FSTL5: variants seen among roughly 807,000 people sequenced by gnomAD.
FSTL5 encodes the protein follistatin like 5.
In FSTL5, 62 loss-of-function variants were observed where a neutral mutation model predicts 89.1. That is an observed-to-expected ratio of 0.70 (90% CI 0.57 to 0.86). The LOEUF is 0.86. Among genes scored for constraint, FSTL5 ranks in the 40% least tolerant of loss-of-function variants. The probability of loss-of-function intolerance (pLI) is 0.00; values close to 1 mark genes in which losing one functional copy is unlikely to be tolerated. For synonymous variants in FSTL5, 383 were observed against 346.2 expected, an observed-to-expected ratio of 1.11 and a Z score of -1.18; for missense variants, 1,057 against 1,001.6, an observed-to-expected ratio of 1.06 and a Z score of -0.75.
At chr4:162,060,509 T>C (rs1738687621) in intron 2 of FSTL5, among the ~76,000 whole-genome samples, 1 of 152,058 alleles carries the variant, frequency 6.6e-6, no homozygotes, top group Non-Finnish European at 1.5e-5. Flanking sequence ...AAAACTATTA[T>C]TTACTTCAGT....
At chr4:162,025,979 A>T (rs1177916413) in intron 3 of FSTL5, among the ~76,000 whole-genome samples, 2 of 151,968 alleles carry the variant, frequency 1.3e-5, no homozygotes, top group Non-Finnish European at 2.9e-5. Flanking sequence ...AGGATATTCT[A>T]AAAAATCCAA....
intron 1 of FSTL5, among the ~76,000 whole-genome samples, chr4:162,160,802 C>T (rs1733666279): frequency 6.7e-6 from 1 of 149,698 alleles, no homozygotes; most frequent in East Asian, 1.9e-4. Context: ...TTTCTATCGC[C>T]CATGTTAGTA....
intron 2 of FSTL5, 103 bp downstream of exon 2, chr4:162,111,168 A>G (rs1731422844): frequency 2.3e-6 from 2 of 873,732 alleles, no homozygotes; most frequent in African/African-American, 1.7e-5. Flanking sequence ...TACTGAAAGC[A>G]TATTCTGAAA....
chr4:161,628,736 G>T (rs1735397762), intron 7 of FSTL5, among the ~76,000 whole-genome samples: 1 of 152,024 alleles, frequency 6.6e-6, no homozygotes, highest in Non-Finnish European at 1.5e-5. Flanking sequence ...CTTCCTATCA[G>T]GTTGGCCCTG....
intron 3 of FSTL5, among the ~76,000 whole-genome samples, chr4:162,011,544 A>G (rs1736767462): frequency 2.0e-5 from 3 of 151,358 alleles, no homozygotes; most frequent in Non-Finnish European, 2.9e-5. Flanking sequence ...CCCAGGCTGG[A>G]GTGCAGTGGT....
At chr4:161,850,325 A>G (rs72981114) in intron 4 of FSTL5, among the ~76,000 whole-genome samples, 14,084 of 152,256 alleles carry the variant, frequency 0.093, 827 homozygotes, top group African/African-American at 0.17. Context: ...GAAGGAAACT[A>G]AAATTCATTG....
chr4:161,955,231 CCTT>C (rs1219147669), intron 3 of FSTL5, among the ~76,000 whole-genome samples: 5 of 151,534 alleles, frequency 3.3e-5, no homozygotes, highest in Non-Finnish European at 7.4e-5. Flanking sequence ...TAATGGACAT[CCTT>C]CTTTTCTCTT....
intron 3 of FSTL5, among the ~76,000 whole-genome samples, chr4:161,956,704 C>T (rs1040042717): frequency 4.6e-5 from 7 of 151,620 alleles, no homozygotes; most frequent in East Asian, 1.9e-4. Flanking sequence ...GGAAGAGACA[C>T]GGGTTAATGT....
intron 2 of FSTL5, among the ~76,000 whole-genome samples, chr4:162,041,012 T>C (rs1286159074): frequency 2.0e-5 from 3 of 151,800 alleles, no homozygotes; most frequent in African/African-American, 4.8e-5. Context: ...CAGAATTCAA[T>C]AGTCAGGTGG....
In FSTL5 at chr4:162,038,357, T is replaced by G. The variant is rs146903639; in HGVS notation, c.127-4699A>C. The stretch of plus-strand genomic sequence containing the variant: ...GATGGCTAAAAGCTTTAGCAGACAG[T>G]ATGATAAAGATTAGCAAAGACAATC... On this transcript the variant is annotated intron_variant, in intron 2 of 15. Coordinates refer to ENST00000306100, the MANE Select transcript of FSTL5 (RefSeq NM_020116.5). Among the ~76,000 whole-genome samples the G allele has an allele frequency of 2.0e-3, 306 of 151,848 alleles. 1 individual carries two copies. Among genetic ancestry groups the G allele is most frequent in the African/African-American group, 7.1e-3 (293 of 41,404 alleles).
chr4:161,567,632 G>A (rs1732865252), intron 8 of FSTL5, among the ~76,000 whole-genome samples: 1 of 151,794 alleles, frequency 6.6e-6, no homozygotes, highest in Admixed American at 6.6e-5. Flanking sequence ...ATAATTTTAT[G>A]AAGAAAACAA....
intron 3 of FSTL5, among the ~76,000 whole-genome samples, chr4:161,976,568 G>A (rs897225671): frequency 2.0e-5 from 3 of 152,032 alleles, no homozygotes; most frequent in Admixed American, 6.6e-5. Flanking sequence ...TGCAAGCTCC[G>A]CCTTCCGTGT....
At chr4:162,150,221 A>G (rs1161703499) in intron 1 of FSTL5, among the ~76,000 whole-genome samples, 2 of 152,186 alleles carry the variant, frequency 1.3e-5, no homozygotes, top group Non-Finnish European at 2.9e-5. Flanking sequence ...CATGGAAGAA[A>G]AATCAGTTTA....
chr4:161,829,803 C>T (rs1293921689), intron 4 of FSTL5, among the ~76,000 whole-genome samples: 2 of 152,064 alleles, frequency 1.3e-5, no homozygotes, highest in Non-Finnish European at 2.9e-5. Context: ...CAAGCATACA[C>T]AGAATGTCTT....
chr4:161,515,609 C>T (rs1018715010), intron 10 of FSTL5, among the ~76,000 whole-genome samples: 2 of 150,546 alleles, frequency 1.3e-5, no homozygotes, highest in Admixed American at 1.3e-4. Flanking sequence ...TTTTTCATTC[C>T]TTTTATTCAT....
intron 7 of FSTL5, among the ~76,000 whole-genome samples, chr4:161,652,246 G>T (rs377584597): frequency 2.0e-5 from 3 of 152,080 alleles, no homozygotes; most frequent in East Asian, 3.9e-4. Flanking sequence ...AGACCAGCCT[G>T]GCCAGCCCAG....
At chr4:161,688,019 G>A (rs6825091) in intron 6 of FSTL5, among the ~76,000 whole-genome samples, 46,578 of 152,084 alleles carry the variant, frequency 0.31, 8,438 homozygotes, top group African/African-American at 0.5. Flanking sequence ...CTTTTGCAGC[G>A]TCCTAAACTG....
At chr4:161,833,185 G>GTAT (rs1730906834) in intron 4 of FSTL5, among the ~76,000 whole-genome samples, 1 of 151,860 alleles carries the variant, frequency 6.6e-6, no homozygotes, top group African/African-American at 2.4e-5. Context: ...ATGTAGTTGA[G>GTAT]CGGTTTTGAG....
At chr4:161,555,380 C>T (rs940025598) in intron 8 of FSTL5, among the ~76,000 whole-genome samples, 5 of 151,460 alleles carry the variant, frequency 3.3e-5, no homozygotes, top group African/African-American at 1.2e-4. Flanking sequence ...TGATAATACA[C>T]AAGATGTCGT....
Sources: gnomAD v4.1 joint callset for allele counts (sites outside exome capture counted in the v4.1 genomes callset) on GRCh38, gnomAD v4.1.1 for gene constraint, MANE v1.5 for transcripts, NCBI Gene and HGNC (gene_info 2026-07-23, HGNC 2026-07-21) for gene names.